BBX: variants seen among roughly 807,000 people sequenced by gnomAD.
The protein encoded by BBX is HMG box transcription factor BBX.
BBX carries 30 observed loss-of-function variants against 100.2 expected under a neutral mutation model. The observed-to-expected ratio is 0.30, with a 90% CI of 0.22 to 0.41. BBX has a LOEUF of 0.41. Among genes scored for constraint, BBX ranks in the 10% least tolerant of loss-of-function variants. The pLI is 1.00. For missense variants in BBX, 1,023 were observed against 1,129.8 expected (o/e 0.91, Z 1.35); for synonymous variants, 376 against 388.1 (o/e 0.97, Z 0.37).
At chr3:107,594,547 A>G (rs1026413487) in intron 2 of BBX, among the ~76,000 whole-genome samples, 5 of 152,144 alleles carry the variant, frequency 3.3e-5, no homozygotes, top group African/African-American at 7.2e-5. Flanking sequence ...ATTTCTGACT[A>G]TGAGCCCTAG....
chr3:107,779,022 C>CATATATAT (rs1241281777), intron 13 of BBX, among the ~76,000 whole-genome samples: 1 of 64,698 alleles, frequency 1.5e-5, no homozygotes, highest in African/African-American at 6.8e-5. Flanking sequence ...TATATATATA[C>CATATATAT]ACACACACAC....
chr3:107,704,055 G>A (rs546062412), intron 3 of BBX, among the ~76,000 whole-genome samples: 5 of 152,086 alleles, frequency 3.3e-5, no homozygotes, highest in Non-Finnish European at 7.4e-5. Context: ...TGGGTTTCCT[G>A]GGTCCAGTTC....
chr3:107,548,539 C>A (rs2049411785), intron 2 of BBX, among the ~76,000 whole-genome samples: 1 of 152,088 alleles, frequency 6.6e-6, no homozygotes, highest in East Asian at 1.9e-4. Context: ...AAAGACAAAG[C>A]AGAATATTAT....
intron 4 of BBX, among the ~76,000 whole-genome samples, chr3:107,714,931 A>G (rs2061996585): frequency 6.6e-6 from 1 of 152,000 alleles, no homozygotes; most frequent in Non-Finnish European, 1.5e-5. Flanking sequence ...GACTACAGGC[A>G]CGCGCCACCA....
intron 7 of BBX, among the ~76,000 whole-genome samples, chr3:107,742,286 GTTTC>G (rs774860862): frequency 1.3e-4 from 19 of 149,878 alleles, no homozygotes; most frequent in Admixed American, 4.7e-4. Context: ...TGCTGGCATT[GTTTC>G]TTTCCTTCCC....
At position 107,525,705 on chromosome 3, in the gene BBX, G is replaced by T. The variant is rs561473144; in HGVS notation, c.-155-622G>T. ...CTTGTTTCCTAGCTCCCCCCACCCC[G>T]ACCTCGCAGACCTGGTGGCCCTGCA... On this transcript the variant is annotated intron_variant, in intron 1 of 17. Transcript: ENST00000325805. Among the ~76,000 whole-genome samples the T allele has an allele frequency of 7.2e-5, 11 of 152,202 alleles. No homozygotes were observed. The South Asian group carries it at 2.1e-3, about 29-fold the overall frequency.
chr3:107,671,009 C>T (rs1490432605), intron 3 of BBX, among the ~76,000 whole-genome samples: 1 of 151,810 alleles, frequency 6.6e-6, no homozygotes, highest in African/African-American at 2.4e-5. Context: ...CTGAGATTTA[C>T]GTAGATCAGA....
intron 3 of BBX, among the ~76,000 whole-genome samples, chr3:107,696,402 A>G (rs1441882217): frequency 2.0e-5 from 3 of 151,510 alleles, no homozygotes; most frequent in East Asian, 3.9e-4. Flanking sequence ...GGTGGTGACA[A>G]AATCTCTCAG....
At chr3:107,798,264 G>A (rs1345647847) in intron 15 of BBX, among the ~76,000 whole-genome samples, 1 of 152,174 alleles carries the variant, frequency 6.6e-6, no homozygotes, top group Non-Finnish European at 1.5e-5. Flanking sequence ...CCACCAACGT[G>A]CAACACCCAG....
chr3:107,774,317 A>G (rs1016182657), intron 11 of BBX, among the ~76,000 whole-genome samples: 1 of 152,212 alleles, frequency 6.6e-6, no homozygotes, highest in Admixed American at 6.5e-5. Context: ...TCCTAGGTCT[A>G]ACAAGCCCCA....
chr3:107,734,551 G>T (rs1392189052), intron 7 of BBX, among the ~76,000 whole-genome samples: 2 of 152,132 alleles, frequency 1.3e-5, no homozygotes, highest in African/African-American at 4.8e-5. Flanking sequence ...ATATGCACTT[G>T]ACCTTTCAAC....
intron 3 of BBX, among the ~76,000 whole-genome samples, chr3:107,666,179 G>A (rs541865907): frequency 6.6e-6 from 1 of 152,284 alleles, no homozygotes; most frequent in Admixed American, 6.5e-5. Flanking sequence ...AATGGGAAGG[G>A]GAACCAACTT....
intron 10 of BBX, among the ~76,000 whole-genome samples, chr3:107,770,577 AT>A (rs759156696): frequency 1.3e-4 from 20 of 152,176 alleles, no homozygotes; most frequent in Non-Finnish European, 2.5e-4. Context: ...TTAAGATAAC[AT>A]TTTGCTTTGA....
chr3:107,755,808 T>G, intron 10 of BBX, 130 bp downstream of exon 10: 1 of 773,548 alleles, frequency 1.3e-6, no homozygotes, highest in South Asian at 2.0e-5. Flanking sequence ...TTTTCAACAA[T>G]GAGAGGGTTA....
chr3:107,795,613 C>CTTTTTTTTTTTTTTT (rs1158136233), intron 15 of BBX, among the ~76,000 whole-genome samples: 4 of 60,034 alleles, frequency 6.7e-5, no homozygotes, highest in Non-Finnish European at 1.2e-4. Context: ...CCGACGTAGT[C>CTTTTTTTTTTTTTTT]TTTTTTTTTT....
chr3:107,761,075 G>A (rs781642403), intron 10 of BBX, among the ~76,000 whole-genome samples: 1 of 152,048 alleles, frequency 6.6e-6, no homozygotes, highest in Non-Finnish European at 1.5e-5. Flanking sequence ...GCCATTATCC[G>A]CTTAAATTTG....
At chr3:107,791,944 T>A (rs2069103483) in intron 15 of BBX, among the ~76,000 whole-genome samples, 1 of 152,164 alleles carries the variant, frequency 6.6e-6, no homozygotes, top group South Asian at 2.1e-4. Flanking sequence ...GAAGTTTCAG[T>A]GAGCCAAGAT....
Position 107,755,038 on chromosome 3 carries a change from T to C in BBX, c.826-560T>C, listed in dbSNP as rs903400872. 3.9e-5 allele frequency among the ~76,000 whole-genome samples: 6 copies of C among 152,230 alleles called. 2 individuals are homozygous for C. The East Asian group carries it at 9.6e-4, about 24-fold the overall frequency. ...CCATTAACTGTACAACTCAGATTTG[T>C]GGCCTTGATTATCAGTCTTTGCATG... On this transcript the variant is annotated intron_variant, in intron 9 of 17. Coordinates refer to ENST00000325805, the MANE Select transcript of BBX (RefSeq NM_001142568.3).
intron 13 of BBX, among the ~76,000 whole-genome samples, chr3:107,786,425 T>C (rs2068433747): frequency 6.6e-6 from 1 of 151,978 alleles, no homozygotes; most frequent in African/African-American, 2.4e-5. Context: ...ATCAAGAGAG[T>C]GTTGTACTAG....
Sources: allele counts gnomAD v4.1 joint callset (sites outside exome capture counted in the v4.1 genomes callset), GRCh38; gene constraint gnomAD v4.1.1; transcripts MANE v1.5; gene names NCBI Gene and HGNC (gene_info 2026-07-23, HGNC 2026-07-21).